The following MAGI2 variants were observed in gnomAD, a reference collection of about 807,000 sequenced individuals.
The protein encoded by MAGI2 is membrane-associated guanylate kinase, WW and PDZ domain-containing protein 2.
A neutral mutation model predicts 133.3 loss-of-function variants in MAGI2; 35 were observed. That is an observed-to-expected ratio of 0.26 (90% CI 0.20 to 0.35). MAGI2 has a LOEUF of 0.35. Among genes scored for constraint, MAGI2 ranks in the 10% least tolerant of loss-of-function variants. The probability of loss-of-function intolerance (pLI) is 1.00; values close to 1 mark genes in which losing one functional copy is unlikely to be tolerated. For missense variants in MAGI2, 1,636 were observed against 1,863.4 expected, an observed-to-expected ratio of 0.88 and a Z score of 2.25; for synonymous variants, 729 against 710.6, an observed-to-expected ratio of 1.03 and a Z score of -0.41.
intron 3 of MAGI2, among the ~76,000 whole-genome samples, chr7:78,540,416 C>G (rs1160226604): frequency 6.6e-6 from 1 of 152,164 alleles, no homozygotes; most frequent in East Asian, 1.9e-4. Flanking sequence ...GCAGGCCAGT[C>G]TCACTCCCAC....
intron 1 of MAGI2, among the ~76,000 whole-genome samples, chr7:79,425,578 T>TA (rs1847292629): frequency 5.3e-5 from 7 of 131,394 alleles, no homozygotes; most frequent in South Asian, 2.2e-4. Context: ...AATAAGGGTT[T>TA]TATATATATA....
At chr7:79,403,460 T>C (rs556967865) in intron 1 of MAGI2, among the ~76,000 whole-genome samples, 1 of 152,238 alleles carries the variant, frequency 6.6e-6, no homozygotes, top group East Asian at 1.9e-4. Context: ...GAAAACTTGA[T>C]AGTAATCCCT....
chr7:78,053,519 G>GCC (rs1812241171), intron 21 of MAGI2, among the ~76,000 whole-genome samples: 3 of 152,224 alleles, frequency 2.0e-5, no homozygotes, highest in African/African-American at 7.2e-5. Flanking sequence ...ATATTTGAAG[G>GCC]TCAAAAAGTG....
At chr7:79,409,645 C>T (rs1563197663) in intron 1 of MAGI2, among the ~76,000 whole-genome samples, 1 of 152,006 alleles carries the variant, frequency 6.6e-6, no homozygotes, top group Non-Finnish European at 1.5e-5. Context: ...AAGCAAAACA[C>T]TTTCATAATG....
At chr7:78,293,179 T>G (rs561557244) in intron 9 of MAGI2, among the ~76,000 whole-genome samples, 57 of 152,306 alleles carry the variant, frequency 3.7e-4, no homozygotes, top group African/African-American at 1.3e-3. Flanking sequence ...TTTTATAGTC[T>G]ACCCATCTGA....
intron 2 of MAGI2, among the ~76,000 whole-genome samples, chr7:78,825,932 A>G (rs1790586683): frequency 6.6e-6 from 1 of 152,324 alleles, no homozygotes; most frequent in East Asian, 1.9e-4. Context: ...ATCCAAAGCT[A>G]GAAGTAATCA....
At chr7:78,428,257 T>C (rs1049573562) in intron 6 of MAGI2, among the ~76,000 whole-genome samples, 3 of 152,176 alleles carry the variant, frequency 2.0e-5, no homozygotes, top group Admixed American at 6.5e-5. Flanking sequence ...GAGCAGGTTC[T>C]GGTACTCTCC....
intron 2 of MAGI2, among the ~76,000 whole-genome samples, chr7:78,692,899 T>C (rs938266637): frequency 8.5e-5 from 13 of 152,188 alleles, no homozygotes; most frequent in South Asian, 4.1e-4. Flanking sequence ...CAACGGTTTC[T>C]TTCACCGAAC....
chr7:78,149,528 T>G (rs1303799536), intron 16 of MAGI2, among the ~76,000 whole-genome samples: 1 of 152,226 alleles, frequency 6.6e-6, no homozygotes, highest in Non-Finnish European at 1.5e-5. Context: ...TGTATTTCAA[T>G]TTTGTCAAGC....
At chr7:78,553,976 T>C (rs972947014) in intron 3 of MAGI2, among the ~76,000 whole-genome samples, 1 of 152,184 alleles carries the variant, frequency 6.6e-6, no homozygotes, top group Non-Finnish European at 1.5e-5. Flanking sequence ...TGTATTAGGT[T>C]ATGTCTGCTC....
intron 2 of MAGI2, among the ~76,000 whole-genome samples, chr7:78,759,375 A>G (rs950794135): frequency 3.3e-5 from 5 of 152,208 alleles, no homozygotes; most frequent in South Asian, 2.1e-4. Context: ...AGATGCTTAC[A>G]TAATCCTCAT....
chr7:78,519,844 G>T (rs1796348432), intron 4 of MAGI2, among the ~76,000 whole-genome samples: 1 of 152,142 alleles, frequency 6.6e-6, no homozygotes, highest in Non-Finnish European at 1.5e-5. Flanking sequence ...TTTTGCAAAT[G>T]TTATATGACC....
intron 2 of MAGI2, chr7:78,904,225 G>C (rs192345305): frequency 9.4e-4 from 143 of 152,266 alleles, no homozygotes; most frequent in African/African-American, 3.3e-3. Context: ...GCTAGAAGAC[G>C]TGTATGAAAT....
intron 6 of MAGI2, among the ~76,000 whole-genome samples, chr7:78,408,433 G>A (rs909070172): frequency 6.6e-6 from 1 of 152,026 alleles, no homozygotes; most frequent in Non-Finnish European, 1.5e-5. Flanking sequence ...GGAGTGAGGG[G>A]CAAGGTCCAC....
chr7:78,654,865 T>C (rs1584980330), intron 2 of MAGI2, among the ~76,000 whole-genome samples: 1 of 151,400 alleles, frequency 6.6e-6, no homozygotes, highest in East Asian at 1.9e-4. Flanking sequence ...CTATACAGGG[T>C]TTCACATAAA....
At chr7:79,435,295 A>C (rs185745391) in intron 1 of MAGI2, among the ~76,000 whole-genome samples, 1 of 152,322 alleles carries the variant, frequency 6.6e-6, no homozygotes, top group East Asian at 1.9e-4. Flanking sequence ...ACATATTTTA[A>C]GGCATTATGC....
chr7:79,347,497 G>A (rs1359859223), intron 1 of MAGI2, among the ~76,000 whole-genome samples: 1 of 151,762 alleles, frequency 6.6e-6, no homozygotes, highest in Non-Finnish European at 1.5e-5. Context: ...TTGACATTGA[G>A]AGATCAGTTT....
intron 2 of MAGI2, among the ~76,000 whole-genome samples, chr7:78,913,648 T>A (rs1431462252): frequency 6.6e-6 from 1 of 152,208 alleles, no homozygotes; most frequent in Non-Finnish European, 1.5e-5. Context: ...CTCTGTTTAT[T>A]CTTTCCATGT....
rs568884188 is a variant in MAGI2 at position 78,978,007 on chromosome 7, C to A, written c.418+29083G>T. Among the ~76,000 whole-genome samples, 94 of 151,430 alleles carry A rather than the reference C, an allele frequency of 6.2e-4. 1 individual carries two copies. The highest frequency in any genetic ancestry group is 1.2e-3 in the Non-Finnish European group (80 of 67,762). On this transcript the variant is annotated intron_variant, in intron 2 of 21. Coordinates refer to ENST00000354212, the MANE Select transcript of MAGI2 (RefSeq NM_012301.4). ...TGCAACTATTAGAATGGCTAAAATT[C>A]AAAAAACTGACAGTAACAATTGTCA...
Sources: gnomAD v4.1 joint callset for allele counts (sites outside exome capture counted in the v4.1 genomes callset) on GRCh38, gnomAD v4.1.1 for gene constraint, MANE v1.5 for transcripts, NCBI Gene and HGNC (gene_info 2026-07-23, HGNC 2026-07-21) for gene names.